TANC1: variants seen among roughly 807,000 people sequenced by gnomAD.
TANC1 encodes the protein protein TANC1.
A neutral mutation model predicts 149.7 loss-of-function variants in TANC1; 77 were observed. The ratio of observed to expected loss-of-function variants is 0.51; its 90% CI spans 0.43 to 0.62. TANC1 has a LOEUF of 0.62. Ranked by LOEUF, TANC1 falls within the 20% of genes least tolerant of loss-of-function variation. The probability of loss-of-function intolerance (pLI) is 0.00; values close to 1 mark genes in which losing one functional copy is unlikely to be tolerated. For synonymous variants in TANC1, 854 were observed against 925.0 expected (o/e 0.92, Z 1.39); for missense variants, 1,985 against 2,321.8 (o/e 0.85, Z 2.98).
intron 2 of TANC1, among the ~76,000 whole-genome samples, chr2:159,037,315 A>T (rs577791089): frequency 2.2e-4 from 33 of 152,186 alleles, no homozygotes; most frequent in African/African-American, 6.5e-4. Context: ...GTAGGTTGCC[A>T]GTTCACTCTG....
At chr2:159,180,915 G>T (rs2056405560) in intron 14 of TANC1, among the ~76,000 whole-genome samples, 1 of 152,170 alleles carries the variant, frequency 6.6e-6, no homozygotes, top group African/African-American at 2.4e-5. Context: ...CCTCACAAGA[G>T]GGAGAAGCTC....
chr2:159,147,310 G>A (rs926986973), intron 5 of TANC1, among the ~76,000 whole-genome samples: 4 of 152,188 alleles, frequency 2.6e-5, no homozygotes, highest in East Asian at 3.9e-4. Context: ...GAGAAACTGC[G>A]GAGATCTGCC....
At chr2:159,194,585 C>T in intron 17 of TANC1, 92 bp downstream of exon 17, 1 of 1,127,050 alleles carries the variant, frequency 8.9e-7, no homozygotes, top group Non-Finnish European at 1.3e-6. Context: ...ACTCTCTTGT[C>T]TCTGAAACCA....
At chr2:159,200,636 T>C (rs950588399) in intron 19 of TANC1, among the ~76,000 whole-genome samples, 8 of 152,210 alleles carry the variant, frequency 5.3e-5, no homozygotes, top group Non-Finnish European at 1.2e-4. Flanking sequence ...TGCCAATCAG[T>C]TGATGGCTAA....
intron 17 of TANC1, among the ~76,000 whole-genome samples, chr2:159,196,042 C>T (rs1210443660): frequency 4.6e-5 from 7 of 152,166 alleles, no homozygotes; most frequent in African/African-American, 7.2e-5. Flanking sequence ...ACTTTGTGGC[C>T]GCCCCCCCTT....
chr2:159,152,463 A>ATTT (rs55894080), intron 7 of TANC1, among the ~76,000 whole-genome samples: 22 of 118,152 alleles, frequency 1.9e-4, no homozygotes, highest in Non-Finnish European at 3.4e-4. Flanking sequence ...TTATAACCAA[A>ATTT]TTTTTTTTTT....
intron 22 of TANC1, among the ~76,000 whole-genome samples, chr2:159,223,242 T>C (rs979998328): frequency 3.0e-4 from 45 of 152,188 alleles, no homozygotes; most frequent in African/African-American, 1.1e-3. Flanking sequence ...GACAGGTGCT[T>C]GCAGACCTGG....
At chr2:159,120,033 A>G (rs535283350) in intron 4 of TANC1, among the ~76,000 whole-genome samples, 1 of 152,302 alleles carries the variant, frequency 6.6e-6, no homozygotes, top group East Asian at 1.9e-4. Flanking sequence ...TGGGATTGTT[A>G]GAGGCCCCTT....
At position 159,231,079 on chromosome 2, in the gene TANC1, T is replaced by A; in HGVS notation, c.*67T>A. On this transcript the variant is annotated 3_prime_UTR_variant, in exon 27 of 27. Transcript: ENST00000263635. ...TGACTCCTGGTGGTAAATTAAATAGTTTTTTTCATCAGAAAAATTATTTTT... is the reference window on the plus strand; with the variant it reads ...TGACTCCTGGTGGTAAATTAAATAGATTTTTTCATCAGAAAAATTATTTTT... The A allele has an allele frequency of 7.7e-7, 1 of 1,293,980 alleles. No individual in the cohort carries two copies. Among genetic ancestry groups the A allele is most frequent in the Non-Finnish European group, 1.1e-6 (1 of 944,678 alleles). 80.2% of individuals were successfully genotyped at this position (1,293,980 alleles called of 1,614,324 possible).
Position 159,178,556 on chromosome 2 carries a change from G to A in TANC1, c.1903G>A (p.Glu635Lys). The change falls in exon 14 of 27, where the codon GAA (glutamate) becomes AAA (lysine). Residue 635 changes from glutamate (E) to lysine (K), a missense_variant and splice_region_variant. Physicochemically the swap from Glu to Lys is moderately conservative, Grantham distance 56 (BLOSUM62 1). This residue lies in a region of TANC1 where 508 missense variants were observed against 714.2 expected (regional missense o/e 0.71). Coordinates refer to ENST00000263635, the MANE Select transcript of TANC1 (RefSeq NM_033394.3). ...LIVTVRANFQ[E>K]IISALPFVKL... ...TGTGGGTTTTTGTTTTCTCCCCCAGGAAATCATAAGTGCGCTGCCATTTGT... is the reference window on the plus strand; with the variant it reads ...TGTGGGTTTTTGTTTTCTCCCCCAGAAAATCATAAGTGCGCTGCCATTTGT... The A allele has an allele frequency of 6.4e-7, 1 of 1,552,634 alleles. No homozygotes were observed. Among genetic ancestry groups the A allele is most frequent in the Non-Finnish European group, 8.7e-7 (1 of 1,151,932 alleles).
intron 4 of TANC1, among the ~76,000 whole-genome samples, chr2:159,098,840 T>G (rs1028267567): frequency 2.0e-5 from 3 of 152,126 alleles, no homozygotes; most frequent in East Asian, 1.9e-4. Flanking sequence ...ATTTTTTTTT[T>G]TTAAGGTTTG....
intron 1 of TANC1, among the ~76,000 whole-genome samples, chr2:158,969,745 G>C (rs1020528081): frequency 6.6e-6 from 1 of 152,250 alleles, no homozygotes; most frequent in African/African-American, 2.4e-5. Flanking sequence ...AAAGCTCCGG[G>C]AGGAAATGTG....
chr2:159,121,233 C>T (rs545244463), intron 4 of TANC1, among the ~76,000 whole-genome samples: 99 of 152,366 alleles, frequency 6.5e-4, no homozygotes, highest in African/African-American at 2.2e-3. Flanking sequence ...CTGATGCTGG[C>T]TCACCTCTCA....
intron 7 of TANC1, among the ~76,000 whole-genome samples, chr2:159,159,596 T>A (rs2053799546): frequency 1.3e-5 from 2 of 152,198 alleles, no homozygotes; most frequent in Non-Finnish European, 2.9e-5. Flanking sequence ...TTTTATGTAA[T>A]GAGCACCATG....
At chr2:159,039,104 C>A (rs973587487) in intron 2 of TANC1, among the ~76,000 whole-genome samples, 3 of 151,986 alleles carry the variant, frequency 2.0e-5, no homozygotes, top group Non-Finnish European at 4.4e-5. Flanking sequence ...CAGGAACTTA[C>A]CCATTTCTTC....
intron 1 of TANC1, among the ~76,000 whole-genome samples, chr2:158,973,897 A>T (rs2033263755): frequency 6.6e-6 from 1 of 152,234 alleles, no homozygotes; most frequent in Non-Finnish European, 1.5e-5. Flanking sequence ...AATTACTGCT[A>T]AAAACGTAAG....
intron 2 of TANC1, among the ~76,000 whole-genome samples, chr2:159,062,106 T>G (rs2042279266): frequency 6.6e-6 from 1 of 151,992 alleles, no homozygotes; most frequent in Admixed American, 6.6e-5. Flanking sequence ...GGTGTGGTGG[T>G]GGGTGCCTGT....
At chr2:159,016,947 G>T (rs2038342801) in intron 2 of TANC1, among the ~76,000 whole-genome samples, 1 of 152,190 alleles carries the variant, frequency 6.6e-6, no homozygotes, top group African/African-American at 2.4e-5. Context: ...CTGGTTTATG[G>T]ATTGAAATAT....
At position 159,036,995 on chromosome 2, in the gene TANC1, G is replaced by A. The variant is rs111558551; in HGVS notation, c.-15-28901G>A. Among the ~76,000 whole-genome samples, 1,355 of 152,172 alleles carry A rather than the reference G, an allele frequency of 8.9e-3. 25 individuals carry two copies. Among genetic ancestry groups the A allele is most frequent in the African/African-American group, 0.03 (1,254 of 41,526 alleles). On this transcript the variant is annotated intron_variant, in intron 2 of 26. Coordinates refer to ENST00000263635, the MANE Select transcript of TANC1 (RefSeq NM_033394.3). ...CCACCAACAGTGTAAAAGTGTTCCT[G>A]TTTCTCCACATCCTCTCCAGCACCT... is the stretch of plus-strand genomic sequence containing the variant.
Sources: gnomAD v4.1 joint callset for allele counts (sites outside exome capture counted in the v4.1 genomes callset) on GRCh38, gnomAD v4.1.1 for gene constraint, gnomAD v4.1.1 regional missense constraint, MANE v1.5 for transcripts, NCBI Gene and HGNC (gene_info 2026-07-23, HGNC 2026-07-21) for gene names.